Variants in CLEC16A observed in about 807,000 individuals in gnomAD.
The protein encoded by CLEC16A is C-type lectin domain containing 16A, also known as protein CLEC16A.
A neutral mutation model predicts 109.5 loss-of-function variants in CLEC16A; 51 were observed. That is an observed-to-expected ratio of 0.47 (90% CI 0.37 to 0.59). CLEC16A has a LOEUF of 0.59. CLEC16A is among the 20% of genes least tolerant of loss of function. The probability of loss-of-function intolerance (pLI) is 0.00; values close to 1 mark genes in which losing one functional copy is unlikely to be tolerated. For synonymous variants in CLEC16A, 673 were observed against 564.2 expected (o/e 1.19, Z -2.73); for missense variants, 1,339 against 1,394.0 (o/e 0.96, Z 0.63).
At chr16:11,124,333 G>A (rs922590830) in intron 21 of CLEC16A, among the ~76,000 whole-genome samples, 12 of 152,152 alleles carry the variant, frequency 7.9e-5, no homozygotes, top group African/African-American at 2.9e-4. Context: ...CCCATTTTAC[G>A]GAGAAGGAAA....
intron 19 of CLEC16A, among the ~76,000 whole-genome samples, chr16:11,074,600 A>G (rs1192008321): frequency 6.6e-6 from 1 of 152,080 alleles, no homozygotes; most frequent in African/African-American, 2.4e-5. Context: ...GGTTTAATGT[A>G]TATTCCTGTA....
intron 23 of CLEC16A, among the ~76,000 whole-genome samples, chr16:11,170,373 T>C (rs1363625218): frequency 6.6e-6 from 1 of 152,198 alleles, no homozygotes; most frequent in Non-Finnish European, 1.5e-5. Flanking sequence ...CGTGGGTTCA[T>C]CCCACATGAG....
chr16:11,061,611 G>A (rs546657130), intron 19 of CLEC16A, among the ~76,000 whole-genome samples: 87 of 152,298 alleles, frequency 5.7e-4, no homozygotes, highest in African/African-American at 2.0e-3. Flanking sequence ...AACCCCTCTC[G>A]TATTTGTATA....
intron 22 of CLEC16A, among the ~76,000 whole-genome samples, chr16:11,135,709 A>G (rs2053519353): frequency 6.6e-6 from 1 of 152,238 alleles, no homozygotes. Flanking sequence ...CCCCATATGC[A>G]ATCTGCCATT....
intron 19 of CLEC16A, among the ~76,000 whole-genome samples, chr16:11,084,166 C>A (rs537242625): frequency 7.2e-5 from 11 of 152,166 alleles, no homozygotes; most frequent in African/African-American, 2.6e-4. Flanking sequence ...AGGCCCATCC[C>A]TCTGCTTGGG....
intron 18 of CLEC16A, among the ~76,000 whole-genome samples, chr16:11,057,510 T>A (rs1464832526): frequency 2.0e-5 from 3 of 152,210 alleles, no homozygotes; most frequent in Non-Finnish European, 2.9e-5. Context: ...ATTGGACTGA[T>A]TCCCCGGTGA....
At chr16:11,052,623 C>A (rs903503165) in intron 18 of CLEC16A, among the ~76,000 whole-genome samples, 2 of 152,182 alleles carry the variant, frequency 1.3e-5, no homozygotes, top group African/African-American at 4.8e-5. Flanking sequence ...GCCTTCCTTC[C>A]ATGTCCTCCC....
chr16:11,048,671 C>G (rs1164721216), intron 17 of CLEC16A, among the ~76,000 whole-genome samples: 1 of 152,144 alleles, frequency 6.6e-6, no homozygotes, highest in Non-Finnish European at 1.5e-5. Flanking sequence ...CATAAGTCAT[C>G]TCCAGAAACA....
intron 2 of CLEC16A, 73 bp downstream of exon 2, chr16:10,957,983 C>A: frequency 1.4e-6 from 2 of 1,439,766 alleles, no homozygotes; most frequent in Non-Finnish European, 1.9e-6. Context: ...TACTATGAGT[C>A]ATTCTGGATG....
chr16:11,058,325 C>A lies in CLEC16A; in HGVS notation c.1996-2577C>A, dbSNP rs916839498. ...GGGCTCCCCCAAGGATACCAAAATC[C>A]ACAGATGCTCAAGTCCCTTATATAA... On this transcript the variant is annotated intron_variant, in intron 18 of 23. Transcript: ENST00000409790. Among the ~76,000 whole-genome samples, 5 of 152,298 alleles carry A rather than the reference C, an allele frequency of 3.3e-5. No homozygotes were observed. In the South Asian group the frequency reaches 1.0e-3, roughly 32 times the overall value.
At chr16:10,993,381 A>G (rs2044147852) in intron 10 of CLEC16A, among the ~76,000 whole-genome samples, 1 of 152,220 alleles carries the variant, frequency 6.6e-6, no homozygotes, top group Admixed American at 6.5e-5. Context: ...TGTCTAAAAA[A>G]GAAAGAAAAG....
chr16:11,004,044 C>A (rs573503396), intron 11 of CLEC16A, among the ~76,000 whole-genome samples: 2 of 151,254 alleles, frequency 1.3e-5, no homozygotes, highest in Non-Finnish European at 2.9e-5. Flanking sequence ...TCAATTCTTA[C>A]GTTAAGGTTT....
chr16:11,032,475 T>A (rs1427236625), intron 13 of CLEC16A, among the ~76,000 whole-genome samples: 1 of 152,220 alleles, frequency 6.6e-6, no homozygotes, highest in East Asian at 1.9e-4. Context: ...TGCTGAGCGC[T>A]TGCCAGGGCA....
In CLEC16A at chr16:11,024,544, A is replaced by G. The variant is rs78930447; in HGVS notation, c.1437-277A>G. 312 of 355,312 alleles carry G rather than the reference A, an allele frequency of 8.8e-4. 1 individual carries two copies. Among genetic ancestry groups the G allele is most frequent in the Admixed American group, 1.6e-3 (39 of 24,850 alleles). 22.0% of individuals were successfully genotyped at this position (355,312 alleles called of 1,614,324 possible). On this transcript the variant is annotated intron_variant, in intron 12 of 23. Coordinates refer to ENST00000409790, the MANE Select transcript of CLEC16A (RefSeq NM_015226.3). ...GAGCTTTGGTGTGGGGAGTTTGTAT[A>G]ATTGATTCCCTGTGTCTGGAATACC...
At chr16:10,952,219 T>A (rs1802325545) in intron 1 of CLEC16A, among the ~76,000 whole-genome samples, 1 of 152,142 alleles carries the variant, frequency 6.6e-6, no homozygotes, top group African/African-American at 2.4e-5. Context: ...ATGGGCCGGG[T>A]GAGTTGGCTC....
chr16:11,020,787 C>G (rs1051221277), intron 12 of CLEC16A, among the ~76,000 whole-genome samples: 1 of 152,376 alleles, frequency 6.6e-6, no homozygotes, highest in African/African-American at 2.4e-5. Context: ...TGCTGCCATC[C>G]ACCTTTGACT....
At chr16:11,027,576 T>C in intron 13 of CLEC16A, 1 of 1,555,554 alleles carries the variant, frequency 6.4e-7, no homozygotes, top group Non-Finnish European at 8.8e-7. Context: ...CATCATTTGC[T>C]TGGAAGACCT....
At chr16:11,025,593 A>G (rs1047930815) in intron 13 of CLEC16A, among the ~76,000 whole-genome samples, 7 of 152,220 alleles carry the variant, frequency 4.6e-5, no homozygotes, top group Non-Finnish European at 1.0e-4. Flanking sequence ...ATTCAGGAAT[A>G]TTCCTTCTAA....
At chr16:10,971,862 T>C (rs2042806239) in intron 5 of CLEC16A, among the ~76,000 whole-genome samples, 1 of 152,256 alleles carries the variant, frequency 6.6e-6, no homozygotes, top group African/African-American at 2.4e-5. Context: ...GCCTAATTCC[T>C]GGGTTATTTT....
Sources: allele counts gnomAD v4.1 joint callset (sites outside exome capture counted in the v4.1 genomes callset), GRCh38; gene constraint gnomAD v4.1.1; transcripts MANE v1.5; gene names NCBI Gene and HGNC (gene_info 2026-07-23, HGNC 2026-07-21).